The following CRISPLD2 variants were observed in gnomAD, a reference collection of about 807,000 sequenced individuals.
The protein encoded by CRISPLD2 is cysteine rich secretory protein LCCL domain containing 2, also known as cysteine-rich secretory protein LCCL domain-containing 2.
In CRISPLD2, 47 loss-of-function variants were observed where a neutral mutation model predicts 71.1. The observed-to-expected ratio is 0.66, with a 90% confidence interval of 0.52 to 0.84. CRISPLD2 has a LOEUF of 0.84. Among genes scored for constraint, CRISPLD2 ranks in the 40% least tolerant of loss-of-function variants. The pLI is 0.00. For synonymous variants in CRISPLD2, 317 were observed against 250.1 expected, an observed-to-expected ratio of 1.27 and a Z score of -2.52; for missense variants, 830 against 651.1, an observed-to-expected ratio of 1.27 and a Z score of -2.99.
At chr16:84,869,030 C>T in intron 8 of CRISPLD2, 119 bp downstream of exon 8, 4 of 866,946 alleles carry the variant, frequency 4.6e-6, no homozygotes, top group Non-Finnish European at 7.1e-6. Flanking sequence ...TAGCAAGCTG[C>T]TCTCAGCAGG....
At chr16:84,820,578 A>G (rs1916208712) in intron 1 of CRISPLD2, among the ~76,000 whole-genome samples, 1 of 152,142 alleles carries the variant, frequency 6.6e-6, no homozygotes, top group African/African-American at 2.4e-5. Flanking sequence ...ATGTGCATTC[A>G]GCTGCAGTTT....
At position 84,889,351 on chromosome 16, in the gene CRISPLD2, T is replaced by TTCC; in HGVS notation, c.1429_1430insCTC (p.Val476_Gln477insPro). The stretch of plus-strand genomic sequence containing the variant: ...TACGTGGGCTCGCTCAGGAATGGAG[T>TTCC]TCAGTCTGAAAGGTAGGGTGGTGTT... On this transcript the variant is annotated inframe_insertion, in exon 14 of 15. Coordinates refer to ENST00000262424, the MANE Select transcript of CRISPLD2 (RefSeq NM_031476.4). 6.2e-7 allele frequency: 1 copy of TTCC among 1,612,234 alleles called. No homozygotes were observed. Among genetic ancestry groups the TTCC allele is most frequent in the Non-Finnish European group, 8.5e-7 (1 of 1,178,960 alleles).
chr16:84,900,073 G>C (rs1425594768), intron 14 of CRISPLD2, among the ~76,000 whole-genome samples: 6 of 152,044 alleles, frequency 3.9e-5, no homozygotes, highest in Non-Finnish European at 5.9e-5. Flanking sequence ...GGTCACCCCA[G>C]CCCCTGGCCA....
chr16:84,868,707 C>G (rs1018842286), intron 7 of CRISPLD2, 144 bp from the exon 8 acceptor site: 2 of 699,918 alleles, frequency 2.9e-6, no homozygotes, highest in Non-Finnish European at 5.0e-6. Context: ...CAGCGGAAGC[C>G]TGCAACCATC....
chr16:84,829,265 T>C (rs1916428619), intron 1 of CRISPLD2: 1 of 152,232 alleles, frequency 6.6e-6, no homozygotes, highest in African/African-American at 2.4e-5. Flanking sequence ...TGGGTCTGGC[T>C]TCAATCCTGC....
At chr16:84,865,082 T>C (rs1917497521) in intron 6 of CRISPLD2, among the ~76,000 whole-genome samples, 1 of 152,192 alleles carries the variant, frequency 6.6e-6, no homozygotes, top group South Asian at 2.1e-4. Context: ...CTGTGTCCTT[T>C]AGCAAAGAAA....
At position 84,872,463 on chromosome 16, in the gene CRISPLD2, C is replaced by G; in HGVS notation, c.936C>G (p.Cys312Trp). Residue 312 changes from cysteine to tryptophan, a missense_variant, in exon 9 of 15, where the codon TGC (cysteine) becomes TGG (tryptophan). By Grantham distance (215) the Cys-to-Trp change is radical (BLOSUM62 -2). Transcript: ENST00000262424. ...TCNRYQCPAG[C>W]LNHKAKIFGT... ...TCAGGTACCAGTGCCCAGCAGGCTG[C>G]CTGAACCACAAGGCGAAGATCTTTG... 6.2e-7 allele frequency: 1 copy of G among 1,613,886 alleles called. No homozygotes were observed. Among genetic ancestry groups the G allele is most frequent in the South Asian group, 1.1e-5 (1 of 91,002 alleles).
chr16:84,857,530 T>G (rs1917274365), intron 6 of CRISPLD2, among the ~76,000 whole-genome samples: 1 of 152,202 alleles, frequency 6.6e-6, no homozygotes, highest in Non-Finnish European at 1.5e-5. Context: ...ATCGCACATC[T>G]GGCCATTTCT....
At position 84,866,985 on chromosome 16, in the gene CRISPLD2, A is replaced by G. The variant is rs1016831430; in HGVS notation, c.798A>G (p.Gln266=). Residue 266 remains glutamine, a synonymous_variant, in exon 7 of 15, where the codon CAA becomes CAG. Transcript: ENST00000262424. ...CTGAAGAAAACCATGTTTGGCTCCA[A>G]CCGAGGGTGATGAGACCCACCAAGC... The part of the protein sequence containing the change: ...PIPEENHVWL[Q]PRVMRPTKPK... 1.9e-6 allele frequency: 3 copies of G among 1,613,878 alleles called. No homozygotes were observed. Among genetic ancestry groups the G allele is most frequent in the African/African-American group, 1.3e-5 (1 of 74,832 alleles).
chr16:84,905,888 T>C (rs557339569), intron 14 of CRISPLD2, among the ~76,000 whole-genome samples: 29 of 151,946 alleles, frequency 1.9e-4, no homozygotes, highest in South Asian at 1.7e-3. Flanking sequence ...TTTTGTATTT[T>C]TCGTAGAGAT....
chr16:84,870,874 C>G (rs1038259845), intron 8 of CRISPLD2, among the ~76,000 whole-genome samples: 2 of 151,776 alleles, frequency 1.3e-5, no homozygotes, highest in African/African-American at 2.4e-5. Context: ...GCCTGGGCAA[C>G]TGGCGAAACC....
intron 2 of CRISPLD2, among the ~76,000 whole-genome samples, chr16:84,845,071 C>T (rs1916875478): frequency 6.6e-6 from 1 of 152,214 alleles, no homozygotes; most frequent in Non-Finnish European, 1.5e-5. Flanking sequence ...TTATTACCTG[C>T]TGTGGTCCAC....
intron 6 of CRISPLD2, among the ~76,000 whole-genome samples, chr16:84,857,358 T>G (rs1427732901): frequency 6.6e-6 from 1 of 152,224 alleles, no homozygotes; most frequent in South Asian, 2.1e-4. Flanking sequence ...TGGTGAGCAT[T>G]GACATGGGAT....
At chr16:84,906,427 G>T (rs7197751) in intron 14 of CRISPLD2, among the ~76,000 whole-genome samples, 161 bp from the exon 15 acceptor site, 43,014 of 152,102 alleles carry the variant, frequency 0.28, 6,786 homozygotes, top group South Asian at 0.43. Context: ...TCAACTCAAG[G>T]CAGGCTCTGT....
chr16:84,844,689 C>A (rs986752067), intron 2 of CRISPLD2, among the ~76,000 whole-genome samples: 35 of 152,262 alleles, frequency 2.3e-4, no homozygotes, highest in African/African-American at 8.2e-4. Flanking sequence ...TATCTTCCAA[C>A]TGAAATGCGG....
At chr16:84,865,947 C>A (rs146159875) in intron 6 of CRISPLD2, among the ~76,000 whole-genome samples, 3 of 152,272 alleles carry the variant, frequency 2.0e-5, no homozygotes, top group Non-Finnish European at 2.9e-5. Flanking sequence ...ATTGTTCTTT[C>A]GGATAGTTGG....
chr16:84,889,482 G>A lies in CRISPLD2; in HGVS notation c.1439+119G>A, dbSNP rs75622702. On this transcript the variant is annotated intron_variant, in intron 14 of 14. Coordinates refer to ENST00000262424, the MANE Select transcript of CRISPLD2 (RefSeq NM_031476.4). ...AAATAAAACTCGGGTAGACTTGCAC[G>A]AATTCTTACCAGGACTCCCAGGTAA... The A allele has an allele frequency of 1.9e-4, 203 of 1,077,250 alleles. No individual in the cohort carries two copies. In the East Asian group the frequency reaches 2.9e-3, roughly 16 times the overall value. 66.7% of individuals were successfully genotyped at this position (1,077,250 alleles called of 1,614,324 possible). A position where few individuals can be genotyped will look rare whatever the true frequency, so the allele number is the denominator to read the frequency against.
intron 14 of CRISPLD2, among the ~76,000 whole-genome samples, chr16:84,897,692 T>C (rs1157661299): frequency 1.3e-5 from 2 of 152,098 alleles, no homozygotes; most frequent in Non-Finnish European, 2.9e-5. Context: ...CCTCGGCTCA[T>C]TGCAACCTCT....
In CRISPLD2 at chr16:84,873,913, T is replaced by TTTAA; in HGVS notation, c.1113-7_1113-6insTTAA. 1 of 1,444,756 alleles carries TTTAA rather than the reference T, an allele frequency of 6.9e-7. No individual in the cohort carries two copies. Among genetic ancestry groups the TTTAA allele is most frequent in the Non-Finnish European group, 9.2e-7 (1 of 1,083,392 alleles). The allele number at this position is 1,444,756 out of a possible 1,614,324, so 89.5% of individuals were successfully genotyped here. Reference sequence around the variant, plus strand: ...TGCCCGTTTTTTTTTTTTTTTTTTTTAAACAGCAAATACAAACCTTCCAGC... The same window carrying TTTAA: ...TGCCCGTTTTTTTTTTTTTTTTTTTTTTAAAAACAGCAAATACAAACCTTCCAGC... On this transcript the variant is annotated splice_region_variant and splice_polypyrimidine_tract_variant and intron_variant, in intron 10 of 14. Coordinates refer to ENST00000262424, the MANE Select transcript of CRISPLD2 (RefSeq NM_031476.4).
Sources: gnomAD v4.1 joint callset for allele counts (sites outside exome capture counted in the v4.1 genomes callset) on GRCh38, gnomAD v4.1.1 for gene constraint, MANE v1.5 for transcripts, NCBI Gene and HGNC (gene_info 2026-07-23, HGNC 2026-07-21) for gene names.